ADAMDEC1: variants seen among roughly 807,000 people sequenced by gnomAD.
ADAMDEC1 encodes the protein ADAM like decysin 1, also known as ADAM DEC1.
Under a neutral mutation model 60.4 loss-of-function variants are expected in ADAMDEC1, and 62 were observed. The ratio of observed to expected loss-of-function variants is 1.03; its 90% CI spans 0.84 to 1.27. The LOEUF is 1.27. Among genes scored for constraint, ADAMDEC1 ranks in the 50% most tolerant of loss-of-function variants. The probability of loss-of-function intolerance (pLI) is 0.00; values close to 1 mark genes in which losing one functional copy is unlikely to be tolerated. For missense variants in ADAMDEC1, 595 were observed against 565.0 expected (o/e 1.05, Z -0.54); for synonymous variants, 210 against 195.1 (o/e 1.08, Z -0.64).
In ADAMDEC1 at chr8:24,395,789, G is replaced by A. The variant is rs148571165; in HGVS notation, c.433G>A (p.Gly145Arg). The change falls in exon 5 of 14, where the codon GGG becomes AGG. Residue 145 changes from glycine (G) to arginine (R), a missense_variant. Transcript: ENST00000256412. ...TGTTGCCAGCATCAGTACTTGTGAC[G>A]GGTTGAGGTAAGAACTACCATCAAA... ...NSVASISTCD[G>R]LRGYFTHHHQ... is the part of the protein sequence containing the mutation. 17 of 1,612,326 alleles carry A rather than the reference G, an allele frequency of 1.1e-5. No homozygotes were observed. Among genetic ancestry groups the A allele is most frequent in the East Asian group, 4.5e-5 (2 of 44,784 alleles).
rs186590362 is a variant in ADAMDEC1, at chr8:24,389,844, G to A, written c.89-2418G>A. On this transcript the variant is annotated intron_variant, in intron 1 of 13. Transcript: ENST00000256412. The stretch of plus-strand genomic sequence containing the variant: ...CTAAAGAACAATATGGTTCAGTCCC[G>A]CATCTTCCTGAAGTCTTGGCTTAAA... Among the ~76,000 whole-genome samples, 103 of 152,116 alleles carry A rather than the reference G, an allele frequency of 6.8e-4. 1 individual carries two copies. Among genetic ancestry groups the A allele is most frequent in the African/African-American group, 2.2e-3 (91 of 41,504 alleles).
chr8:24,401,849 T>C (rs1817773171), intron 11 of ADAMDEC1, 66 bp from the exon 12 acceptor site: 2 of 1,273,532 alleles, frequency 1.6e-6, no homozygotes, highest in Non-Finnish European at 2.2e-6. Context: ...TTTATCTTTA[T>C]TCTGTGTTTC....
chr8:24,396,468 C>T (rs1817615895), intron 5 of ADAMDEC1, among the ~76,000 whole-genome samples: 2 of 152,110 alleles, frequency 1.3e-5, no homozygotes, highest in Admixed American at 6.5e-5. Flanking sequence ...GCCAAGATAG[C>T]TCCACTGCAC....
chr8:24,388,348 A>T (rs1216312351), intron 1 of ADAMDEC1, among the ~76,000 whole-genome samples: 1 of 152,026 alleles, frequency 6.6e-6, no homozygotes, highest in Non-Finnish European at 1.5e-5. Context: ...GTCTCATCCC[A>T]TTCTCTTCTA....
intron 4 of ADAMDEC1, among the ~76,000 whole-genome samples, chr8:24,394,426 A>T (rs1179400873): frequency 6.6e-6 from 1 of 152,142 alleles, no homozygotes; most frequent in East Asian, 1.9e-4. Flanking sequence ...TTCTCCCTAG[A>T]CCATTTTATC....
chr8:24,392,169 C>A, intron 1 of ADAMDEC1, 93 bp from the exon 2 acceptor site: 1 of 890,198 alleles, frequency 1.1e-6, no homozygotes, highest in Non-Finnish European at 1.7e-6. Context: ...CTTCACTGCT[C>A]TTTCAGCAAC....
intron 1 of ADAMDEC1, among the ~76,000 whole-genome samples, chr8:24,386,970 T>G (rs192695364): frequency 3.9e-5 from 6 of 152,304 alleles, no homozygotes; most frequent in Admixed American, 3.9e-4. Flanking sequence ...CTCATCATAT[T>G]CTGTTCACCA....
intron 4 of ADAMDEC1, 39 bp downstream of exon 4, chr8:24,394,186 A>G (rs770764535): frequency 1.3e-6 from 2 of 1,488,482 alleles, no homozygotes; most frequent in Admixed American, 1.7e-5. Flanking sequence ...TTTGAGTTTT[A>G]GATGTTATTA....
chr8:24,397,887 C>T (rs1817657089), intron 7 of ADAMDEC1, 142 bp downstream of exon 7: 1 of 695,578 alleles, frequency 1.4e-6, no homozygotes, highest in Admixed American at 3.0e-5. Context: ...CATGCCTTGC[C>T]AGCAATAGTT....
chr8:24,396,364 T>A (rs573121682), intron 5 of ADAMDEC1, among the ~76,000 whole-genome samples: 1 of 150,068 alleles, frequency 6.7e-6, no homozygotes, highest in African/African-American at 2.5e-5. Flanking sequence ...CAAAAAAAAA[T>A]AGCCGAGTGT....
intron 1 of ADAMDEC1, among the ~76,000 whole-genome samples, chr8:24,389,263 C>A (rs888833400): frequency 6.6e-6 from 1 of 152,090 alleles, no homozygotes; most frequent in African/African-American, 2.4e-5. Flanking sequence ...CTTCCTTCAC[C>A]TTTCCTCAAG....
In ADAMDEC1 at chr8:24,404,073, C is replaced by T; in HGVS notation, c.1391C>T (p.Ala464Val). ...CCTGGAACTGATTGCGGAGGAGATG[C>T]TCCAAACCATACCACGTAAGACCTT... The part of the protein sequence containing the change: ...LKPGTDCGGD[A>V]PNHTTE Residue 464 changes from alanine to valine, a missense_variant, in exon 13 of 14, where the codon GCT (alanine) becomes GTT (valine). Coordinates refer to ENST00000256412, the MANE Select transcript of ADAMDEC1 (RefSeq NM_014479.3). 1 of 1,613,594 alleles carries T rather than the reference C, an allele frequency of 6.2e-7. No individual in the cohort carries two copies. The highest frequency in any genetic ancestry group is 2.2e-5 in the East Asian group (1 of 44,780).
In ADAMDEC1 at chr8:24,392,270, A is replaced by G. The variant is rs2129358640; in HGVS notation, c.97A>G (p.Ile33Val). The change falls in exon 2 of 14, where the codon ATA (isoleucine) becomes GTA (valine). Residue 33 changes from isoleucine to valine, a missense_variant. Transcript: ENST00000256412. The part of the protein sequence containing the change: ...WLIVQTQAIA[I>V]KQTPELTLHE... ...TATTTCTCTTTCTCTAGCAATAGCC[A>G]TAAAGCAAACACCTGAATTAACGCT... The G allele has an allele frequency of 1.9e-6, 3 of 1,607,506 alleles. No homozygotes were observed. Among genetic ancestry groups the G allele is most frequent in the Non-Finnish European group, 2.5e-6 (3 of 1,176,808 alleles).
chr8:24,389,921 C>G (rs1303197447), intron 1 of ADAMDEC1, among the ~76,000 whole-genome samples: 2 of 152,190 alleles, frequency 1.3e-5, no homozygotes, highest in African/African-American at 4.8e-5. Flanking sequence ...AATTGCAACA[C>G]TCACCTCTAA....
chr8:24,403,728 T>A (rs1817821330), intron 12 of ADAMDEC1, among the ~76,000 whole-genome samples: 1 of 152,184 alleles, frequency 6.6e-6, no homozygotes, highest in African/African-American at 2.4e-5. Flanking sequence ...CAATTTTTTT[T>A]AGTTTGGACT....
chr8:24,399,164 C>A, intron 9 of ADAMDEC1, 124 bp downstream of exon 9: 1 of 1,148,606 alleles, frequency 8.7e-7, no homozygotes, highest in Non-Finnish European at 1.2e-6. Context: ...CATTTTACCA[C>A]TAGCAATTCA....
Position 24,384,468 on chromosome 8 carries a change from A to G in ADAMDEC1, c.-37A>G, listed in dbSNP as rs750409081. The G allele has an allele frequency of 4.6e-5, 70 of 1,508,024 alleles. No individual in the cohort carries two copies. Among genetic ancestry groups the G allele is most frequent in the Non-Finnish European group, 6.3e-5 (70 of 1,115,524 alleles). 93.4% of individuals were successfully genotyped at this position (1,508,024 alleles called of 1,614,324 possible). ...TGTTCAACTTCTAAAGAGAAATTGG[A>G]GAAGATAAAACTGGACACTGGGGAG... On this transcript the variant is annotated 5_prime_UTR_variant, in exon 1 of 14. Coordinates refer to ENST00000256412, the MANE Select transcript of ADAMDEC1 (RefSeq NM_014479.3).
chr8:24,384,677 TG>T, intron 1 of ADAMDEC1, 85 bp downstream of exon 1: 1 of 1,279,420 alleles, frequency 7.8e-7, no homozygotes, highest in Non-Finnish European at 1.1e-6. Context: ...AAATGGCATA[TG>T]TTTTTATGGT....
At chr8:24,385,612 T>C in intron 1 of ADAMDEC1, among the ~76,000 whole-genome samples, 1 of 152,160 alleles carries the variant, frequency 6.6e-6, no homozygotes, top group Admixed American at 6.5e-5. Context: ...ATAACTCTAC[T>C]AGATCTATTT....
Sources: allele counts gnomAD v4.1 joint callset (sites outside exome capture counted in the v4.1 genomes callset), GRCh38; gene constraint gnomAD v4.1.1; transcripts MANE v1.5; gene names NCBI Gene and HGNC (gene_info 2026-07-23, HGNC 2026-07-21).